CCSER1: variants seen among roughly 807,000 people sequenced by gnomAD.
CCSER1 encodes the protein coiled-coil serine rich protein 1.
Under a neutral mutation model 82.0 loss-of-function variants are expected in CCSER1, and 41 were observed. That is an observed-to-expected ratio of 0.50 (90% CI 0.39 to 0.65). The LOEUF (loss-of-function observed/expected upper bound fraction) is 0.65. Ranked by LOEUF, CCSER1 falls within the 30% of genes least tolerant of loss-of-function variation. The pLI is 0.00. For missense variants in CCSER1, 1,119 were observed against 1,064.2 expected, an observed-to-expected ratio of 1.05 and a Z score of -0.72; for synonymous variants, 414 against 383.9, an observed-to-expected ratio of 1.08 and a Z score of -0.92.
At chr4:90,982,943 A>T (rs529809143) in intron 9 of CCSER1, among the ~76,000 whole-genome samples, 3 of 151,926 alleles carry the variant, frequency 2.0e-5, no homozygotes, top group African/African-American at 7.2e-5. Context: ...GGCCAAGAAC[A>T]CGATTGATAG....
chr4:90,929,474 C>T (rs751440216), intron 9 of CCSER1, among the ~76,000 whole-genome samples: 1 of 152,146 alleles, frequency 6.6e-6, no homozygotes, highest in Non-Finnish European at 1.5e-5. Flanking sequence ...TGCCAACATG[C>T]AGTTGTTTTT....
At chr4:90,386,608 G>A (rs758132538) in intron 3 of CCSER1, among the ~76,000 whole-genome samples, 1 of 152,116 alleles carries the variant, frequency 6.6e-6, no homozygotes, top group Non-Finnish European at 1.5e-5. Flanking sequence ...AATGATTTAT[G>A]ACTAAAACCC....
intron 6 of CCSER1, among the ~76,000 whole-genome samples, chr4:90,691,605 A>G (rs146285057): frequency 2.3e-4 from 34 of 146,966 alleles, no homozygotes; most frequent in African/African-American, 6.6e-4. Context: ...ACATGTGTAT[A>G]TATCACATGT....
chr4:90,566,014 C>T (rs887933096), intron 5 of CCSER1, among the ~76,000 whole-genome samples: 5 of 151,268 alleles, frequency 3.3e-5, no homozygotes, highest in African/African-American at 7.3e-5. Context: ...CATGCCACCA[C>T]GGCCAGCTAA....
chr4:90,381,741 A>G (rs1749244654), intron 3 of CCSER1, among the ~76,000 whole-genome samples: 1 of 152,122 alleles, frequency 6.6e-6, no homozygotes, highest in Admixed American at 6.6e-5. Flanking sequence ...ATAAGTTGCC[A>G]GAGGAAAAAA....
At chr4:90,166,214 T>C (rs902873095) in intron 1 of CCSER1, among the ~76,000 whole-genome samples, 41 of 152,138 alleles carry the variant, frequency 2.7e-4, no homozygotes, top group Admixed American at 2.6e-3. Flanking sequence ...TTTGTCTAAC[T>C]GTAGGCTAAT....
intron 6 of CCSER1, among the ~76,000 whole-genome samples, chr4:90,639,913 T>C (rs1002523767): frequency 1.3e-5 from 2 of 152,110 alleles, no homozygotes; most frequent in African/African-American, 4.8e-5. Context: ...TTTAAAGTTA[T>C]GGAAGAGAGA....
chr4:90,352,361 T>A (rs7679540), intron 3 of CCSER1, among the ~76,000 whole-genome samples: 97,886 of 151,280 alleles, frequency 0.65, 32,696 homozygotes, highest in East Asian at 0.82. Context: ...ACAAAACAAA[T>A]AAACAAAAAA....
intron 10 of CCSER1, among the ~76,000 whole-genome samples, chr4:91,520,349 G>A (rs561671079): frequency 6.7e-6 from 1 of 149,468 alleles, no homozygotes; most frequent in South Asian, 2.1e-4. Flanking sequence ...CCTTGAACGT[G>A]TAGGCTCGCC....
chr4:90,621,519 G>GT (rs1219985435), intron 5 of CCSER1, among the ~76,000 whole-genome samples: 2 of 146,050 alleles, frequency 1.4e-5, no homozygotes, highest in Non-Finnish European at 3.0e-5. Flanking sequence ...CTTGCCATTT[G>GT]TTTTTTTGTT....
intron 10 of CCSER1, among the ~76,000 whole-genome samples, chr4:91,369,827 G>A (rs1401758861): frequency 6.9e-6 from 1 of 145,572 alleles, no homozygotes; most frequent in African/African-American, 2.5e-5. Context: ...CGCCCACCAC[G>A]CCTAGCTAAT....
chr4:91,439,692 C>T (rs987018040), intron 10 of CCSER1, among the ~76,000 whole-genome samples: 12 of 151,960 alleles, frequency 7.9e-5, no homozygotes, highest in Non-Finnish European at 1.8e-4. Context: ...AGTCAAGACC[C>T]ATCAGTGTGC....
At chr4:91,086,438 A>G (rs1723403142) in intron 10 of CCSER1, among the ~76,000 whole-genome samples, 1 of 152,064 alleles carries the variant, frequency 6.6e-6, no homozygotes, top group Non-Finnish European at 1.5e-5. Flanking sequence ...GCATTATTAG[A>G]GAGTATGAAG....
intron 7 of CCSER1, among the ~76,000 whole-genome samples, chr4:90,813,745 T>C (rs577941975): frequency 6.6e-6 from 1 of 152,328 alleles, no homozygotes; most frequent in African/African-American, 2.4e-5. Flanking sequence ...AACCTCTTTT[T>C]CTTTCCATTC....
chr4:90,612,823 C>T (rs1047465612), intron 5 of CCSER1, among the ~76,000 whole-genome samples: 3 of 152,080 alleles, frequency 2.0e-5, no homozygotes, highest in African/African-American at 7.2e-5. Flanking sequence ...TTATACCAGT[C>T]TCTTATCAGA....
chr4:90,804,961 A>G (rs945044247), intron 7 of CCSER1, among the ~76,000 whole-genome samples: 2 of 152,336 alleles, frequency 1.3e-5, no homozygotes, highest in Middle Eastern at 3.4e-3. Flanking sequence ...TTTGAAAATC[A>G]TTGCAAATAT....
chr4:91,250,150 G>T (rs1262744495), intron 10 of CCSER1, among the ~76,000 whole-genome samples: 1 of 151,828 alleles, frequency 6.6e-6, no homozygotes, highest in African/African-American at 2.4e-5. Context: ...TAGAATAAGT[G>T]GTTGCCCACA....
Position 90,389,213 on chromosome 4 carries a change from A to G in CCSER1, c.1510-10823A>G, listed in dbSNP as rs534588962. ...GATAATAACGTGATGGGAAATTCAT[A>G]CAATTTTCAGAATTATACACACTGA... On this transcript the variant is annotated intron_variant, in intron 3 of 10. Transcript: ENST00000509176. 5.3e-5 allele frequency among the ~76,000 whole-genome samples: 8 copies of G among 152,312 alleles called. No individual in the cohort carries two copies. The East Asian group carries it at 1.4e-3, about 26-fold the overall frequency.
intron 6 of CCSER1, among the ~76,000 whole-genome samples, chr4:90,637,152 A>G (rs1345286340): frequency 1.3e-5 from 2 of 152,144 alleles, no homozygotes; most frequent in Non-Finnish European, 2.9e-5. Context: ...TGCACTCAGG[A>G]TGTCAACAAT....
Sources: allele counts gnomAD v4.1 joint callset (sites outside exome capture counted in the v4.1 genomes callset), GRCh38; gene constraint gnomAD v4.1.1; transcripts MANE v1.5; gene names NCBI Gene and HGNC (gene_info 2026-07-23, HGNC 2026-07-21).